The following MICAL3 variants were observed in gnomAD, a reference collection of about 807,000 sequenced individuals.
MICAL3 encodes the protein microtubule associated monooxygenase, calponin and LIM domain containing 3.
Under a neutral mutation model 207.4 loss-of-function variants are expected in MICAL3, and 62 were observed. The observed-to-expected ratio is 0.30, with a 90% CI of 0.24 to 0.37. MICAL3 has a LOEUF of 0.37. Among genes scored for constraint, MICAL3 ranks in the 10% least tolerant of loss-of-function variants. The probability of loss-of-function intolerance (pLI) is 1.00; values close to 1 mark genes in which losing one functional copy is unlikely to be tolerated. For synonymous variants in MICAL3, 1,077 were observed against 1,069.3 expected (o/e 1.01, Z -0.14); for missense variants, 2,368 against 2,635.6 (o/e 0.90, Z 2.22).
At chr22:17,924,985 C>T (rs997114243) in intron 1 of MICAL3, among the ~76,000 whole-genome samples, 24 of 152,288 alleles carry the variant, frequency 1.6e-4, no homozygotes, top group African/African-American at 5.8e-4. Context: ...TGGGTGCCAA[C>T]AGAACAATGA....
At chr22:17,994,013 C>T (rs4819653) in intron 1 of MICAL3, among the ~76,000 whole-genome samples, 1 of 152,130 alleles carries the variant, frequency 6.6e-6, no homozygotes, top group African/African-American at 2.4e-5. Context: ...AACAGCACCC[C>T]GTCTGTCCGC....
At chr22:17,855,320 A>G (rs1216377752) in intron 19 of MICAL3, among the ~76,000 whole-genome samples, 1 of 152,228 alleles carries the variant, frequency 6.6e-6, no homozygotes. Context: ...CAGGGCAGGC[A>G]ATGTCTTAAG....
chr22:17,842,074 G>A (rs2146074877), intron 19 of MICAL3, 57 bp from the exon 20 acceptor site: 2 of 1,516,840 alleles, frequency 1.3e-6, no homozygotes, highest in Non-Finnish European at 1.8e-6. Flanking sequence ...GGGGCGTGGG[G>A]GTGGGGGCTG....
intron 29 of MICAL3, chr22:17,791,553 G>A (rs192486497): frequency 6.9e-4 from 381 of 548,772 alleles, no homozygotes; most frequent in African/African-American, 4.2e-3. Flanking sequence ...TGCCCTCCCC[G>A]GGGCTGGTTT....
intron 1 of MICAL3, among the ~76,000 whole-genome samples, chr22:17,967,812 C>T (rs1027071545): frequency 6.6e-6 from 1 of 152,044 alleles, no homozygotes; most frequent in Non-Finnish European, 1.5e-5. Context: ...TTTGGGAGGC[C>T]GAGGTGGGCA....
chr22:17,889,165 T>A lies in MICAL3; in HGVS notation c.1760A>T (p.Glu587Val). Residue 587 changes from glutamate to valine, a missense_variant, in exon 13 of 32, where the codon GAG becomes GTG. By Grantham distance (121) the Glu-to-Val change is moderately radical (BLOSUM62 -2). Coordinates refer to ENST00000441493, the MANE Select transcript of MICAL3 (RefSeq NM_015241.3). ...KNNQLAFDIA[E>V]KELGISPIMT... ...GATGGGAGAAATGCCCAATTCCTTC[T>A]CAGCAATGTCAAAGGCCAGTTGGTT... is the stretch of plus-strand genomic sequence containing the variant. 7 of 1,613,914 alleles carry A rather than the reference T, an allele frequency of 4.3e-6. No homozygotes were observed. The highest frequency in any genetic ancestry group is 4.5e-5 in the East Asian group (2 of 44,882).
At chr22:17,872,909 A>C in intron 16 of MICAL3, 2 of 1,137,832 alleles carry the variant, frequency 1.8e-6, no homozygotes, top group Non-Finnish European at 2.7e-6. Context: ...GAAGGAAAAA[A>C]ATACATAAAT....
intron 19 of MICAL3, among the ~76,000 whole-genome samples, chr22:17,859,662 G>A (rs1312945375): frequency 1.3e-5 from 2 of 152,236 alleles, no homozygotes; most frequent in African/African-American, 2.4e-5. Context: ...ACCTTACCAG[G>A]AGCAAGGCTG....
chr22:17,872,702 G>T, intron 16 of MICAL3: 1 of 1,164,322 alleles, frequency 8.6e-7, no homozygotes, highest in Non-Finnish European at 1.3e-6. Flanking sequence ...TGTTTCCCAT[G>T]GCTGTGCTGG....
At chr22:17,908,101 G>A (rs1255864365) in intron 1 of MICAL3, among the ~76,000 whole-genome samples, 2 of 152,092 alleles carry the variant, frequency 1.3e-5, no homozygotes, top group Non-Finnish European at 2.9e-5. Context: ...AACTGTATTG[G>A]AAGGTGGGAG....
At chr22:17,918,637 C>T (rs1422648411) in intron 1 of MICAL3, among the ~76,000 whole-genome samples, 1 of 152,142 alleles carries the variant, frequency 6.6e-6, no homozygotes, top group South Asian at 2.1e-4. Flanking sequence ...GGAGCGCCCC[C>T]CAGACCTGCA....
At position 17,865,976 on chromosome 22, in the gene MICAL3, A is replaced by T. The variant is rs1434629200; in HGVS notation, c.2465T>A (p.Leu822His). 6.8e-6 allele frequency: 11 copies of T among 1,613,848 alleles called. No individual in the cohort carries two copies. The highest frequency in any genetic ancestry group is 1.1e-5 in the South Asian group (1 of 91,086). Residue 822 changes from leucine to histidine, a missense_variant, in exon 18 of 32, where the codon CTC (leucine) becomes CAC (histidine). Physicochemically the swap from Leu to His is moderately conservative, Grantham distance 99. Transcript: ENST00000441493. Reference protein sequence around the residue: ...FYCKPHYCYRLSGYAQRKRPA... With the variant: ...FYCKPHYCYRHSGYAQRKRPA... ...TCTCTTCCTTTGTGCGTAGCCAGAGAGTCGATAGCAGTAGTGTGGCTTACA... is the reference window on the plus strand; with the variant it reads ...TCTCTTCCTTTGTGCGTAGCCAGAGTGTCGATAGCAGTAGTGTGGCTTACA...
intron 19 of MICAL3, among the ~76,000 whole-genome samples, chr22:17,857,509 C>T (rs746101555): frequency 6.6e-6 from 1 of 152,206 alleles, no homozygotes; most frequent in Non-Finnish European, 1.5e-5. Flanking sequence ...GGCTCTTCTC[C>T]CGCAGGTGCA....
intron 17 of MICAL3, 65 bp downstream of exon 17, chr22:17,871,772 A>T: frequency 6.8e-7 from 1 of 1,466,362 alleles, no homozygotes. Flanking sequence ...AAAGGCGCCC[A>T]GCTCAGATGG....
intron 1 of MICAL3, among the ~76,000 whole-genome samples, chr22:17,956,044 T>C (rs1004742127): frequency 1.3e-5 from 2 of 152,244 alleles, no homozygotes; most frequent in African/African-American, 2.4e-5. Context: ...GAGGGGCTCC[T>C]GAGAGAGTGT....
intron 1 of MICAL3, among the ~76,000 whole-genome samples, chr22:17,928,734 T>C (rs996683835): frequency 2.0e-5 from 3 of 152,204 alleles, no homozygotes; most frequent in African/African-American, 7.2e-5. Context: ...ACATGCCCCA[T>C]AGGGGGGTGA....
In MICAL3 at chr22:17,790,579, CG is replaced by C; in HGVS notation, c.*152del. On this transcript the variant is annotated 3_prime_UTR_variant, in exon 32 of 32. Coordinates refer to ENST00000441493, the MANE Select transcript of MICAL3 (RefSeq NM_015241.3). The stretch of plus-strand genomic sequence containing the variant: ...CTGTCACCTGGGGCTCCCCACTGCA[CG>C]CGGGACTCGACCACTTTCCAAGCAG... 1.4e-6 allele frequency: 1 copy of C among 694,190 alleles called. No homozygotes were observed. The highest frequency in any genetic ancestry group is 2.4e-6 in the Non-Finnish European group (1 of 422,322). The allele number at this position is 694,190 out of a possible 1,614,324, so 43.0% of individuals were successfully genotyped here.
At chr22:17,838,955 CTTT>C (rs869097812) in intron 20 of MICAL3, among the ~76,000 whole-genome samples, 1 of 88,434 alleles carries the variant, frequency 1.1e-5, no homozygotes, top group Admixed American at 1.3e-4. Context: ...CCCCTAGATG[CTTT>C]TTTTTTTTTT....
chr22:17,912,844 T>G (rs944954811), intron 1 of MICAL3, among the ~76,000 whole-genome samples: 1 of 152,210 alleles, frequency 6.6e-6, no homozygotes, highest in African/African-American at 2.4e-5. Flanking sequence ...CTGCTCTGGA[T>G]AGAACTTCAG....
Sources: allele counts gnomAD v4.1 joint callset (sites outside exome capture counted in the v4.1 genomes callset), GRCh38; gene constraint gnomAD v4.1.1; transcripts MANE v1.5; gene names NCBI Gene and HGNC (gene_info 2026-07-23, HGNC 2026-07-21).